The following METTL8 variants were observed in gnomAD, a reference collection of about 807,000 sequenced individuals.
The protein encoded by METTL8 is tRNA N(3)-cytidine methyltransferase METTL8, mitochondrial.
In METTL8, 32 loss-of-function variants were observed where a neutral mutation model predicts 48.7. That is an observed-to-expected ratio of 0.66 (90% CI 0.50 to 0.88). METTL8 has a LOEUF of 0.88. METTL8 is among the 40% of genes least tolerant of loss of function. The pLI is 0.00. For synonymous variants in METTL8, 136 were observed against 157.1 expected (o/e 0.87, Z 1.01); for missense variants, 464 against 474.4 (o/e 0.98, Z 0.20).
At chr2:171,334,368 C>A (rs1685868084) in intron 5 of METTL8, among the ~76,000 whole-genome samples, 1 of 152,126 alleles carries the variant, frequency 6.6e-6, no homozygotes, top group Admixed American at 6.6e-5. Context: ...TTTCCAGAAC[C>A]TTTCTGTAAA....
At chr2:171,371,970 T>G (rs1686408090) in intron 2 of METTL8, among the ~76,000 whole-genome samples, 1 of 151,974 alleles carries the variant, frequency 6.6e-6, no homozygotes, top group Admixed American at 6.6e-5. Context: ...ATTACAGGCA[T>G]GAGTGAGCCA....
At chr2:171,325,767 T>C in intron 9 of METTL8, 74 bp downstream of exon 9, 3 of 886,088 alleles carry the variant, frequency 3.4e-6, no homozygotes, top group Middle Eastern at 3.4e-4. Flanking sequence ...TCATAGCTTC[T>C]GAGCTATAAT....
intron 6 of METTL8, 81 bp from the exon 7 acceptor site, chr2:171,330,779 A>G (rs534567164): frequency 8.4e-7 from 1 of 1,186,792 alleles, no homozygotes; most frequent in Non-Finnish European, 1.2e-6. Flanking sequence ...AAAAAGGTCA[A>G]ATTTTTAACC....
intron 3 of METTL8, among the ~76,000 whole-genome samples, chr2:171,346,057 G>T (rs533933801): frequency 6.6e-6 from 1 of 152,188 alleles, no homozygotes; most frequent in Non-Finnish European, 1.5e-5. Flanking sequence ...TGAGACAGGG[G>T]CTTACTCTGT....
intron 3 of METTL8, among the ~76,000 whole-genome samples, chr2:171,354,605 G>A (rs553535855): frequency 4.6e-5 from 7 of 151,896 alleles, no homozygotes; most frequent in African/African-American, 1.2e-4. Context: ...CCAATCAGAC[G>A]TAGATTTGGT....
chr2:171,402,905 C>T (rs572539437), intron 1 of METTL8, among the ~76,000 whole-genome samples: 2 of 152,192 alleles, frequency 1.3e-5, no homozygotes, highest in African/African-American at 4.8e-5. Context: ...GCCAACTGAA[C>T]GTGTAGCCAA....
At chr2:171,364,104 C>T (rs1020720704) in intron 2 of METTL8, among the ~76,000 whole-genome samples, 2 of 151,870 alleles carry the variant, frequency 1.3e-5, no homozygotes, top group African/African-American at 2.4e-5. Flanking sequence ...CGAGCCACTG[C>T]GCGCCCGGCC....
intron 1 of METTL8, among the ~76,000 whole-genome samples, chr2:171,419,263 C>A (rs1691640114): frequency 6.6e-6 from 1 of 152,016 alleles, no homozygotes; most frequent in Admixed American, 6.6e-5. Flanking sequence ...TCTCAAGGGA[C>A]AAAGCAAGGA....
At chr2:171,358,353 GAAA>G (rs750007486) in intron 3 of METTL8, among the ~76,000 whole-genome samples, 2 of 57,068 alleles carry the variant, frequency 3.5e-5, no homozygotes, top group Admixed American at 2.0e-4. Context: ...TCCGTCTCCA[GAAA>G]AAAAAAAAAA....
chr2:171,402,504 T>C (rs910454379), intron 1 of METTL8, among the ~76,000 whole-genome samples: 1 of 152,188 alleles, frequency 6.6e-6, no homozygotes, highest in African/African-American at 2.4e-5. Context: ...ATAATCTATA[T>C]GGTAATGACT....
chr2:171,328,283 G>A (rs1235659370), intron 7 of METTL8, among the ~76,000 whole-genome samples: 1 of 152,134 alleles, frequency 6.6e-6, no homozygotes, highest in Non-Finnish European at 1.5e-5. Flanking sequence ...GTAATATTTT[G>A]TATTTTCATT....
rs1400915223 is a variant in METTL8 at position 171,405,553 on chromosome 2, G to A, written c.-12-13356C>T. Among the ~76,000 whole-genome samples the A allele has an allele frequency of 4.6e-5, 7 of 152,158 alleles. No individual in the cohort carries two copies. The East Asian group carries it at 1.3e-3, about 29-fold the overall frequency. On this transcript the variant is annotated intron_variant, in intron 1 of 9. Transcript: ENST00000375258. ...TGAATGTAGATGACTGACAGGCAGAGGAGAGAAAAGGAGAGAAGTTGGGCT... is the reference window on the plus strand; with the variant it reads ...TGAATGTAGATGACTGACAGGCAGAAGAGAGAAAAGGAGAGAAGTTGGGCT...
At chr2:171,416,292 A>C (rs1474197458) in intron 1 of METTL8, among the ~76,000 whole-genome samples, 1 of 152,198 alleles carries the variant, frequency 6.6e-6, no homozygotes, top group African/African-American at 2.4e-5. Context: ...GGACAAGAGG[A>C]TCTGTGTCCA....
intron 3 of METTL8, among the ~76,000 whole-genome samples, chr2:171,348,252 T>C (rs1683503657): frequency 6.6e-6 from 1 of 152,074 alleles, no homozygotes; most frequent in South Asian, 2.1e-4. Context: ...GAAACAAAAT[T>C]CAATCTCAGG....
In METTL8 at chr2:171,317,115, A is replaced by G. The variant is rs1311030452; in HGVS notation, c.*7057T>C. On this transcript the variant is annotated 3_prime_UTR_variant, in exon 10 of 10. Transcript: ENST00000375258. The stretch of plus-strand genomic sequence containing the variant: ...AAAGCCCCACTAATGCAGTGGACTC[A>G]GCAGCGGGCTCATTGCTAATTTTAG... 6.6e-6 allele frequency among the ~76,000 whole-genome samples: 1 copy of G among 152,214 alleles called. No homozygotes were observed. Among genetic ancestry groups the G allele is most frequent in the Non-Finnish European group, 1.5e-5 (1 of 68,040 alleles).
chr2:171,399,705 T>C (rs1038170759), intron 1 of METTL8, among the ~76,000 whole-genome samples: 2 of 152,210 alleles, frequency 1.3e-5, no homozygotes, highest in Non-Finnish European at 2.9e-5. Context: ...GTAAAATGTA[T>C]GTAATGCACA....
chr2:171,339,102 T>C lies in METTL8; in HGVS notation c.606+82A>G, dbSNP rs915568657. The C allele has an allele frequency of 5.6e-6, 7 of 1,258,744 alleles. No homozygotes were observed. In the South Asian group the frequency reaches 1.8e-4, roughly 33 times the overall value. The allele number at this position is 1,258,744 out of a possible 1,614,324, so 78.0% of individuals were successfully genotyped here. On this transcript the variant is annotated intron_variant, in intron 4 of 9. Transcript: ENST00000375258. Reference sequence around the variant, plus strand: ...TTTGATAGTTTTCCACCAAAAAAAATCTGGATTTTTAATAAAATAATACAG... The same window carrying C: ...TTTGATAGTTTTCCACCAAAAAAAACCTGGATTTTTAATAAAATAATACAG...
chr2:171,384,600 C>A (rs542659978), intron 2 of METTL8, among the ~76,000 whole-genome samples: 1 of 152,168 alleles, frequency 6.6e-6, no homozygotes, highest in East Asian at 1.9e-4. Flanking sequence ...GAGGCTGAGG[C>A]AGGAGGACTG....
chr2:171,404,391 G>A (rs1349330700), intron 1 of METTL8, among the ~76,000 whole-genome samples: 1 of 151,880 alleles, frequency 6.6e-6, no homozygotes, highest in African/African-American at 2.4e-5. Flanking sequence ...GAGCCATGAC[G>A]GTGTCAATGG....
Sources: allele counts gnomAD v4.1 joint callset (sites outside exome capture counted in the v4.1 genomes callset), GRCh38; gene constraint gnomAD v4.1.1; transcripts MANE v1.5; gene names NCBI Gene and HGNC (gene_info 2026-07-23, HGNC 2026-07-21).